The following USP9X variants were observed in gnomAD, a reference collection of about 807,000 sequenced individuals.
The protein encoded by USP9X is ubiquitin carboxyl-terminal hydrolase 9X.
A neutral mutation model predicts 190.3 loss-of-function variants in USP9X; 7 were observed. That is an observed-to-expected ratio of 0.04 (90% confidence interval 0.02 to 0.07). USP9X has a LOEUF of 0.07. USP9X is among the 10% of genes least tolerant of loss of function. The pLI is 1.00. For synonymous variants in USP9X, 645 were observed against 659.5 expected, an observed-to-expected ratio of 0.98 and a Z score of 0.34; for missense variants, 1,010 against 1,916.9, an observed-to-expected ratio of 0.53 and a Z score of 8.83.
intron 11 of USP9X, among the ~76,000 whole-genome samples, chrX:41,147,517 G>A (rs1391100233): frequency 1.0e-5 from 1 of 96,914 alleles, no homozygotes; most frequent in African/African-American, 3.9e-5. Context: ...GCAGTGGCGC[G>A]ATCCCAGCTC....
intron 1 of USP9X, among the ~76,000 whole-genome samples, chrX:41,114,684 A>G (rs1379669673): frequency 9.3e-6 from 1 of 107,105 alleles, no homozygotes; most frequent in African/African-American, 3.4e-5. Context: ...GGGTTTTACC[A>G]TGTTGGCCAG....
intron 22 of USP9X, 83 bp downstream of exon 22, chrX:41,184,211 T>C: frequency 1.9e-6 from 2 of 1,059,178 alleles, no homozygotes; most frequent in Non-Finnish European, 2.5e-6. Flanking sequence ...ATTTGACCTT[T>C]CATATGGTAA....
chrX:41,100,217 A>G (rs1357658632), intron 1 of USP9X, among the ~76,000 whole-genome samples: 1 of 112,449 alleles, frequency 8.9e-6, no homozygotes, highest in Non-Finnish European at 1.9e-5. Context: ...CTCACAGGTA[A>G]CAATCACTAA....
chrX:41,223,343 T>C lies in USP9X; in HGVS notation c.6692T>C (p.Val2231Ala). ...GCTGAATTAGGCAAATTATACTCAG[T>C]AGTGTCACAGCTGATCCGCTGTTGC... ...QYAELGKLYS[V>A]VSQLIRCCNV... The change falls in exon 39 of 45, where the codon GTA (valine) becomes GCA (alanine). Residue 2231 changes from valine to alanine, a missense_variant. Physicochemically the swap from Val to Ala is moderately conservative, Grantham distance 64. Around this residue, in one of 11 missense-constraint regions of USP9X, gnomAD observed 121 missense variants for 281.2 expected, o/e 0.43. Transcript: ENST00000378308. The C allele has an allele frequency of 8.3e-7, 1 of 1,211,506 alleles. No homozygotes were observed. Among genetic ancestry groups the C allele is most frequent in the Non-Finnish European group, 1.1e-6 (1 of 895,168 alleles).
At chrX:41,186,432 G>A (rs778567304) in intron 23 of USP9X, 85 bp from the exon 24 acceptor site, 12 of 1,069,405 alleles carry the variant, frequency 1.1e-5, no homozygotes, top group Middle Eastern at 2.7e-4. Context: ...CGTTCTGCAG[G>A]AGTGGGTGAT....
chrX:41,111,093 T>TCTCCACCC (rs1169280732), intron 1 of USP9X, among the ~76,000 whole-genome samples: 1 of 110,995 alleles, frequency 9.0e-6, no homozygotes, highest in Non-Finnish European at 1.9e-5. Context: ...TGAACGTTTG[T>TCTCCACCC]CTCCACCCCT....
intron 3 of USP9X, among the ~76,000 whole-genome samples, chrX:41,131,073 A>T (rs1443540007): frequency 8.1e-5 from 9 of 110,640 alleles, no homozygotes; most frequent in African/African-American, 2.9e-4. Context: ...GGGGCAATGA[A>T]GAGGTTTATC....
At chrX:41,192,207 T>C (rs1397726518) in intron 26 of USP9X, among the ~76,000 whole-genome samples, 3 of 112,260 alleles carry the variant, frequency 2.7e-5, no homozygotes, top group African/African-American at 9.7e-5. Flanking sequence ...TTCAAACTTT[T>C]AAATTTGGCT....
At chrX:41,170,648 A>G in intron 20 of USP9X, 29 bp downstream of exon 20, 1 of 1,183,830 alleles carries the variant, frequency 8.4e-7, no homozygotes, top group Non-Finnish European at 1.1e-6. Context: ...GAACTACTGT[A>G]TGTAAGGCAT....
At chrX:41,203,039 A>C (rs958737230) in intron 31 of USP9X, among the ~76,000 whole-genome samples, 1 of 111,543 alleles carries the variant, frequency 9.0e-6, no homozygotes, top group African/African-American at 3.3e-5. Context: ...TTTCTATATC[A>C]GAGTTATCAG....
chrX:41,222,397 A>G (rs112979969), intron 38 of USP9X, among the ~76,000 whole-genome samples: 3 of 46,352 alleles, frequency 6.5e-5, no homozygotes, highest in South Asian at 9.5e-4. Flanking sequence ...TACTGTGAAG[A>G]GGGGCCAAAA....
chrX:41,227,856 A>G (rs895062673), intron 41 of USP9X, among the ~76,000 whole-genome samples: 6 of 111,459 alleles, frequency 5.4e-5, no homozygotes, highest in Non-Finnish European at 9.4e-5. Context: ...GCCCGCCACC[A>G]TGCCTGGCTA....
rs752981618 is a variant in USP9X, at chrX:41,136,842, A to G, written c.474A>G (p.Leu158=). The G allele has an allele frequency of 4.1e-6, 5 of 1,211,294 alleles. No homozygotes were observed. Among genetic ancestry groups the G allele is most frequent in the South Asian group, 3.5e-5 (2 of 56,984 alleles). ...ACAATACTCATCGTCTGGTGGAGCT[A>G]TGTGTGGCCAAGTTGTCCCAAGACT... is the stretch of plus-strand genomic sequence containing the variant. ...IINNTHRLVE[L]CVAKLSQDWF... The change falls in exon 6 of 45, where the codon CTA becomes CTG. Residue 158 remains leucine (L), a synonymous_variant. Transcript: ENST00000378308.
chrX:41,096,444 T>C (rs2061992074), intron 1 of USP9X, among the ~76,000 whole-genome samples: 1 of 112,069 alleles, frequency 8.9e-6, no homozygotes, highest in Non-Finnish European at 1.9e-5. Flanking sequence ...TTTATTTTTT[T>C]ATTTTATTGA....
chrX:41,130,777 G>T (rs1488843518), intron 3 of USP9X, among the ~76,000 whole-genome samples: 1 of 107,141 alleles, frequency 9.3e-6, no homozygotes, highest in African/African-American at 3.4e-5. Flanking sequence ...CCAGGCTGTA[G>T]TGCAGTAGCA....
intron 44 of USP9X, 66 bp from the exon 45 acceptor site, chrX:41,232,320 AC>A: frequency 8.9e-7 from 1 of 1,125,343 alleles, no homozygotes; most frequent in Non-Finnish European, 1.2e-6. Flanking sequence ...GAGACTTCAG[AC>A]CATGATTTTG....
intron 3 of USP9X, among the ~76,000 whole-genome samples, chrX:41,130,430 T>G (rs1020572156): frequency 1.8e-5 from 2 of 110,517 alleles, no homozygotes; most frequent in Admixed American, 1.9e-4. Context: ...TAGCAAGTTC[T>G]CAGGGGGGAG....
In USP9X at chrX:41,085,492, G is replaced by A. The variant is rs1273850746; in HGVS notation, c.-776G>A. 5.7e-6 allele frequency: 1 copy of A among 174,543 alleles called. No homozygotes were observed. Among genetic ancestry groups the A allele is most frequent in the East Asian group, 1.1e-4 (1 of 9,219 alleles). 14.4% of individuals were successfully genotyped at this position (174,543 alleles called of 1,213,427 possible). ...ACGAGGACGGGCATCCGCGGCTGCG[G>A]ACGCTAGTCTCCGCCGCCGCCGGAG... On this transcript the variant is annotated 5_prime_UTR_variant, in exon 1 of 45. Transcript: ENST00000378308.
intron 14 of USP9X, among the ~76,000 whole-genome samples, chrX:41,160,011 G>T (rs1276131771): frequency 9.5e-6 from 1 of 104,933 alleles, no homozygotes. Flanking sequence ...TTTATGACTC[G>T]ATGTTTTTTT....
Sources: gnomAD v4.1 joint callset for allele counts (sites outside exome capture counted in the v4.1 genomes callset) on GRCh38, gnomAD v4.1.1 for gene constraint, gnomAD v4.1.1 regional missense constraint, MANE v1.5 for transcripts, NCBI Gene and HGNC (gene_info 2026-07-23, HGNC 2026-07-21) for gene names.